Variants in CSMD2 observed in about 807,000 individuals in gnomAD.
CSMD2 encodes CUB and sushi domain-containing protein 2.
In CSMD2, 130 loss-of-function variants were observed where a neutral mutation model predicts 398.5. The observed-to-expected ratio is 0.33, with a 90% CI of 0.28 to 0.38. The LOEUF (loss-of-function observed/expected upper bound fraction) is 0.38. CSMD2 is among the 10% of genes least tolerant of loss of function. The pLI, the probability that CSMD2 is intolerant of heterozygous loss-of-function variation, is 1.00. For missense variants in CSMD2, 3,829 were observed against 4,764.9 expected, an observed-to-expected ratio of 0.80 and a Z score of 5.78; for synonymous variants, 1,828 against 1,908.5, an observed-to-expected ratio of 0.96 and a Z score of 1.10.
Position 33,571,545 on chromosome 1 carries a change from C to T in CSMD2, c.7944G>A (p.Thr2648=), listed in dbSNP as rs554288627. ...ANGKWSLGDS[T]PTCRIISCGE... ...TCCTGGGCTTACTTCGGCAGGTGGG[C>T]GTAGAGTCCCCGAGGCTCCATTTGC... Residue 2648 remains threonine (T), a synonymous_variant, in exon 51 of 71, where the codon ACG becomes ACA. Coordinates refer to ENST00000373381, the MANE Select transcript of CSMD2 (RefSeq NM_001281956.2). 5.4e-6 allele frequency: 8 copies of T among 1,480,406 alleles called. No individual in the cohort carries two copies. The highest frequency in any genetic ancestry group is 2.4e-5 in the East Asian group (1 of 41,544). The allele number at this position is 1,480,406 out of a possible 1,614,324, so 91.7% of individuals were successfully genotyped here. A position where few individuals can be genotyped will look rare whatever the true frequency, so the allele number is the denominator to read the frequency against.
intron 2 of CSMD2, among the ~76,000 whole-genome samples, chr1:34,086,454 T>C (rs1321429348): frequency 6.6e-6 from 1 of 152,180 alleles, no homozygotes; most frequent in African/African-American, 2.4e-5. Flanking sequence ...ACATCTAAAA[T>C]TTTATAGGGC....
chr1:33,741,973 A>G (rs1176090880), intron 14 of CSMD2, among the ~76,000 whole-genome samples: 1 of 152,192 alleles, frequency 6.6e-6, no homozygotes, highest in Non-Finnish European at 1.5e-5. Flanking sequence ...ACATTTGCTG[A>G]TCCTTAGCAC....
chr1:34,006,584 A>G (rs1647064349), intron 3 of CSMD2, among the ~76,000 whole-genome samples: 1 of 152,120 alleles, frequency 6.6e-6, no homozygotes, highest in African/African-American at 2.4e-5. Flanking sequence ...TTGTTTTGCA[A>G]TTGCTGGTTG....
At position 33,698,865 on chromosome 1, in the gene CSMD2, C is replaced by T. The variant is rs779547947; in HGVS notation, c.3813G>A (p.Gly1271=). The change falls in exon 24 of 71, where the codon GGG becomes GGA. Residue 1271 remains glycine, a synonymous_variant. Coordinates refer to ENST00000373381, the MANE Select transcript of CSMD2 (RefSeq NM_001281956.2). ...GGTCACAGCTGAAGGACACGGAGCT[C>T]CCTGCAAAATGACCTTCATCATGAA... ...YKVHDEGHFA[G]SSVSFSCDPG... is the part of the protein sequence containing the mutation. 1.5e-5 allele frequency: 24 copies of T among 1,614,052 alleles called. No homozygotes were observed. The highest frequency in any genetic ancestry group is 1.9e-5 in the Non-Finnish European group (22 of 1,180,034).
Position 33,995,015 on chromosome 1 carries a change from G to C in CSMD2, c.517+37579C>G, listed in dbSNP as rs548453415. Among the ~76,000 whole-genome samples the C allele has an allele frequency of 2.7e-5, 4 of 150,418 alleles. No homozygotes were observed. In the East Asian group the frequency reaches 7.9e-4, roughly 30 times the overall value. On this transcript the variant is annotated intron_variant, in intron 3 of 70. Coordinates refer to ENST00000373381, the MANE Select transcript of CSMD2 (RefSeq NM_001281956.2). ...GAAGTCAGATGTTGCAGTGAGCCAAGATCGCCCCACCGCACTCCAGCCTGG... is the reference window on the plus strand; with the variant it reads ...GAAGTCAGATGTTGCAGTGAGCCAACATCGCCCCACCGCACTCCAGCCTGG...
chr1:33,940,342 C>T (rs1009025254), intron 3 of CSMD2, among the ~76,000 whole-genome samples: 2 of 152,082 alleles, frequency 1.3e-5, no homozygotes, highest in African/African-American at 4.8e-5. Flanking sequence ...TTCACAGGTA[C>T]TGGGGGTTAA....
intron 5 of CSMD2, among the ~76,000 whole-genome samples, chr1:33,866,035 C>T (rs1640008167): frequency 6.6e-6 from 1 of 152,184 alleles, no homozygotes; most frequent in Non-Finnish European, 1.5e-5. Context: ...ACAGATCTCC[C>T]TAACTCCACC....
chr1:33,669,049 T>A (rs1303297338), intron 25 of CSMD2, among the ~76,000 whole-genome samples: 1 of 152,218 alleles, frequency 6.6e-6, no homozygotes, highest in Non-Finnish European at 1.5e-5. Flanking sequence ...TTGCTGAATA[T>A]CCTCATAAAG....
intron 5 of CSMD2, among the ~76,000 whole-genome samples, chr1:33,849,196 G>C (rs979234696): frequency 6.6e-6 from 1 of 152,126 alleles, no homozygotes; most frequent in Non-Finnish European, 1.5e-5. Context: ...TACCTCCCTG[G>C]ACACAAATGT....
intron 32 of CSMD2, among the ~76,000 whole-genome samples, chr1:33,627,042 T>A (rs1000203810): frequency 1.3e-5 from 2 of 152,190 alleles, no homozygotes; most frequent in African/African-American, 4.8e-5. Flanking sequence ...GATGTGATCA[T>A]CTAGGAGCAA....
intron 19 of CSMD2, among the ~76,000 whole-genome samples, chr1:33,718,679 T>C (rs559161752): frequency 2.0e-5 from 3 of 152,246 alleles, no homozygotes; most frequent in Non-Finnish European, 4.4e-5. Flanking sequence ...AGAATCTGCA[T>C]GCTCTTCAGA....
intron 10 of CSMD2, among the ~76,000 whole-genome samples, chr1:33,807,566 A>C (rs931625753): frequency 6.6e-6 from 1 of 152,186 alleles, no homozygotes; most frequent in African/African-American, 2.4e-5. Flanking sequence ...GAGTAAACCT[A>C]AGTGGACAGT....
intron 53 of CSMD2, among the ~76,000 whole-genome samples, chr1:33,561,708 T>C (rs976121664): frequency 5.3e-5 from 8 of 151,886 alleles, no homozygotes; most frequent in African/African-American, 1.9e-4. Flanking sequence ...AGAGAGTGGG[T>C]CAAAGAGGGT....
intron 25 of CSMD2, among the ~76,000 whole-genome samples, chr1:33,672,289 A>G (rs1345570474): frequency 1.3e-5 from 2 of 152,210 alleles, no homozygotes; most frequent in Non-Finnish European, 2.9e-5. Context: ...CGCTTTTCCA[A>G]TGGGCTTAAC....
intron 44 of CSMD2, chr1:33,598,998 T>C (rs898514375): frequency 7.2e-5 from 11 of 152,418 alleles, no homozygotes; most frequent in African/African-American, 2.4e-4. Flanking sequence ...GGGTCTCTTT[T>C]ATAAAGGCAC....
chr1:33,811,101 G>A (rs1179322001), intron 9 of CSMD2, among the ~76,000 whole-genome samples: 2 of 151,978 alleles, frequency 1.3e-5, no homozygotes, highest in South Asian at 2.1e-4. Context: ...CAGGCTAAGC[G>A]ACCCCTCTGC....
At chr1:33,774,886 A>G (rs893047983) in intron 12 of CSMD2, among the ~76,000 whole-genome samples, 2 of 152,220 alleles carry the variant, frequency 1.3e-5, no homozygotes, top group Admixed American at 1.3e-4. Context: ...CCCACTTACG[A>G]ACAATGCAAT....
intron 3 of CSMD2, among the ~76,000 whole-genome samples, chr1:33,960,745 C>G (rs1001971397): frequency 1.3e-5 from 2 of 152,232 alleles, no homozygotes; most frequent in African/African-American, 2.4e-5. Context: ...CAGGATCTCT[C>G]TGGGGGATGA....
rs186930526 is a variant in CSMD2, at chr1:33,907,789, T to C, written c.920+10305A>G. 3.9e-5 allele frequency among the ~76,000 whole-genome samples: 6 copies of C among 152,258 alleles called. No homozygotes were observed. In the East Asian group the frequency reaches 1.2e-3, roughly 29 times the overall value. ...GAATCCTGCCTCTCTGGTGAGTCTGTGGATGTCACCCATCAGCCACTGGAT... is the reference window on the plus strand; with the variant it reads ...GAATCCTGCCTCTCTGGTGAGTCTGCGGATGTCACCCATCAGCCACTGGAT... On this transcript the variant is annotated intron_variant, in intron 5 of 70. Coordinates refer to ENST00000373381, the MANE Select transcript of CSMD2 (RefSeq NM_001281956.2).
Sources: allele counts gnomAD v4.1 joint callset (sites outside exome capture counted in the v4.1 genomes callset), GRCh38; gene constraint gnomAD v4.1.1; transcripts MANE v1.5; gene names NCBI Gene and HGNC (gene_info 2026-07-23, HGNC 2026-07-21).